OPCML: variants seen among roughly 807,000 people sequenced by gnomAD.
The protein encoded by OPCML is opioid binding protein/cell adhesion molecule like, also known as opioid-binding protein/cell adhesion molecule.
Under a neutral mutation model 37.8 loss-of-function variants are expected in OPCML, and 13 were observed. That is an observed-to-expected ratio of 0.34 (90% CI 0.22 to 0.55). The LOEUF (loss-of-function observed/expected upper bound fraction) is 0.55, where lower values mean the gene tolerates loss of function less well. OPCML is among the 20% of genes least tolerant of loss of function. The probability of loss-of-function intolerance (pLI) is 0.91; values close to 1 mark genes in which losing one functional copy is unlikely to be tolerated. For missense variants in OPCML, 341 were observed against 435.6 expected, an observed-to-expected ratio of 0.78 and a Z score of 1.93; for synonymous variants, 176 against 168.8, an observed-to-expected ratio of 1.04 and a Z score of -0.33.
In OPCML at chr11:132,938,214, T is replaced by C. The variant is rs940765558; in HGVS notation, c.146+4712A>G. Among the ~76,000 whole-genome samples the C allele has an allele frequency of 3.3e-5, 5 of 152,062 alleles. No individual in the cohort carries two copies. The East Asian group carries it at 9.7e-4, about 29-fold the overall frequency. On this transcript the variant is annotated intron_variant, in intron 2 of 7. Coordinates refer to ENST00000524381, the MANE Select transcript of OPCML (RefSeq NM_001012393.5). Reference sequence around the variant, plus strand: ...GTAATCTTTAGTATCCACCACAGTATCTATAGTCAACACATAAAGCACAGC... The same window carrying C: ...GTAATCTTTAGTATCCACCACAGTACCTATAGTCAACACATAAAGCACAGC...
intron 1 of OPCML, among the ~76,000 whole-genome samples, chr11:133,090,744 T>C (rs951093375): frequency 3.3e-5 from 5 of 151,960 alleles, no homozygotes; most frequent in Non-Finnish European, 5.9e-5. Context: ...AGAAATGAAG[T>C]GAAGACAGAA....
chr11:133,384,801 A>G (rs1443444082), intron 1 of OPCML, among the ~76,000 whole-genome samples: 1 of 152,216 alleles, frequency 6.6e-6, no homozygotes, highest in Non-Finnish European at 1.5e-5. Context: ...AGAAGTGGAC[A>G]TGTGACCTCC....
Position 132,436,167 on chromosome 11 carries a change from C to T in OPCML, c.835G>A (p.Val279Ile), listed in dbSNP as rs774104875. The change falls in exon 7 of 8, where the codon GTT becomes ATT. Residue 279 changes from valine to isoleucine, a missense_variant. Physicochemically the swap from Val to Ile is conservative, Grantham distance 29. Transcript: ENST00000524381. ...GRMSTLTFFN[V>I]SEKDYGNYTC... The stretch of plus-strand genomic sequence containing the variant: ...TAGTTCCCATAATCCTTTTCTGAAA[C>T]ATTGAAGAAAGTCAGAGTGGACATG... 6.2e-7 allele frequency: 1 copy of T among 1,614,092 alleles called. No individual in the cohort carries two copies. Among genetic ancestry groups the T allele is most frequent in the African/African-American group, 1.3e-5 (1 of 74,928 alleles).
intron 4 of OPCML, among the ~76,000 whole-genome samples, chr11:132,480,204 G>C (rs1261437398): frequency 2.0e-5 from 3 of 152,186 alleles, no homozygotes; most frequent in Non-Finnish European, 2.9e-5. Flanking sequence ...ACCAAGGCTT[G>C]AGAACTACAT....
chr11:132,514,273 C>T (rs1342440077), intron 4 of OPCML, among the ~76,000 whole-genome samples: 1 of 152,112 alleles, frequency 6.6e-6, no homozygotes, highest in Non-Finnish European at 1.5e-5. Context: ...ATAGTCAAAG[C>T]ATGCAAAAAA....
chr11:133,178,186 A>G (rs1227399404), intron 1 of OPCML, among the ~76,000 whole-genome samples: 1 of 152,182 alleles, frequency 6.6e-6, no homozygotes, highest in East Asian at 1.9e-4. Flanking sequence ...CAGGCCCAAA[A>G]TGGGAATCAC....
intron 2 of OPCML, among the ~76,000 whole-genome samples, chr11:132,853,589 T>G (rs1941912034): frequency 6.6e-6 from 1 of 152,166 alleles, no homozygotes; most frequent in Non-Finnish European, 1.5e-5. Context: ...CAAAAAAATC[T>G]CTTGCCTATT....
At chr11:133,022,331 G>GT (rs765696666) in intron 1 of OPCML, among the ~76,000 whole-genome samples, 1 of 152,104 alleles carries the variant, frequency 6.6e-6, no homozygotes, top group African/African-American at 2.4e-5. Flanking sequence ...CCTTTCTTCT[G>GT]TTTTTTATTT....
intron 1 of OPCML, among the ~76,000 whole-genome samples, chr11:133,473,525 T>G (rs1274293069): frequency 2.0e-5 from 3 of 152,006 alleles, no homozygotes; most frequent in African/African-American, 7.3e-5. Context: ...GTGAACAAGG[T>G]TACTCCATGT....
intron 4 of OPCML, among the ~76,000 whole-genome samples, chr11:132,487,991 A>T (rs968314878): frequency 6.6e-6 from 1 of 152,160 alleles, no homozygotes; most frequent in Non-Finnish European, 1.5e-5. Flanking sequence ...TTTCTGCTGG[A>T]TGTGCAGAGA....
intron 1 of OPCML, among the ~76,000 whole-genome samples, chr11:132,999,260 G>C (rs1946946865): frequency 6.6e-6 from 1 of 151,924 alleles, no homozygotes; most frequent in African/African-American, 2.4e-5. Context: ...ACCCTCCCCA[G>C]GTGGCGAGAC....
At chr11:133,118,234 T>C in intron 1 of OPCML, 1 of 985,394 alleles carries the variant, frequency 1.0e-6, no homozygotes, top group Non-Finnish European at 1.2e-6. Context: ...TCTACTGACA[T>C]AGCTGGGATA....
chr11:132,856,444 G>A (rs1011231017), intron 2 of OPCML, among the ~76,000 whole-genome samples: 4 of 152,166 alleles, frequency 2.6e-5, no homozygotes, highest in Non-Finnish European at 4.4e-5. Flanking sequence ...AATGTCAGGT[G>A]TCTATCAGGT....
chr11:132,560,448 A>T (rs541603473), intron 3 of OPCML, among the ~76,000 whole-genome samples: 1 of 152,188 alleles, frequency 6.6e-6, no homozygotes, highest in African/African-American at 2.4e-5. Context: ...ATTTTGGTGC[A>T]TCCATCACCC....
intron 3 of OPCML, among the ~76,000 whole-genome samples, chr11:132,604,293 T>C (rs1432562898): frequency 2.0e-5 from 3 of 147,432 alleles, no homozygotes; most frequent in Non-Finnish European, 4.5e-5. Context: ...AAAAAAAAAA[T>C]ACAGGGAGGA....
intron 1 of OPCML, among the ~76,000 whole-genome samples, chr11:133,463,913 G>A (rs545650123): frequency 1.7e-4 from 26 of 152,198 alleles, no homozygotes; most frequent in African/African-American, 5.8e-4. Flanking sequence ...CAATTGACCC[G>A]GGCCACATCT....
intron 1 of OPCML, among the ~76,000 whole-genome samples, chr11:133,088,710 A>G (rs1023148105): frequency 6.6e-6 from 1 of 152,204 alleles, no homozygotes; most frequent in African/African-American, 2.4e-5. Context: ...GGAACAATAG[A>G]ATTATACAAG....
At chr11:132,752,266 A>T (rs1945862484) in intron 2 of OPCML, among the ~76,000 whole-genome samples, 1 of 152,058 alleles carries the variant, frequency 6.6e-6, no homozygotes, top group Admixed American at 6.6e-5. Flanking sequence ...ATAAATAAAA[A>T]AAAAAAATTA....
chr11:133,222,171 G>T (rs1247022937), intron 1 of OPCML, among the ~76,000 whole-genome samples: 2 of 152,160 alleles, frequency 1.3e-5, no homozygotes, highest in African/African-American at 2.4e-5. Context: ...GACCAGACAG[G>T]GAAGAAGATG....
Sources: allele counts gnomAD v4.1 joint callset (sites outside exome capture counted in the v4.1 genomes callset), GRCh38; gene constraint gnomAD v4.1.1; transcripts MANE v1.5; gene names NCBI Gene and HGNC (gene_info 2026-07-23, HGNC 2026-07-21).